Variants in HSPA4L observed in about 807,000 individuals in gnomAD.
The protein encoded by HSPA4L is heat shock 70 kDa protein 4L.
In HSPA4L, 48 loss-of-function variants were observed where a neutral mutation model predicts 100.3. The ratio of observed to expected loss-of-function variants is 0.48; its 90% CI spans 0.38 to 0.61. The LOEUF is 0.61. Among genes scored for constraint, HSPA4L ranks in the 20% least tolerant of loss-of-function variants. The probability of loss-of-function intolerance (pLI) is 0.00; values close to 1 mark genes in which losing one functional copy is unlikely to be tolerated. For synonymous variants in HSPA4L, 319 were observed against 328.2 expected, an observed-to-expected ratio of 0.97 and a Z score of 0.30; for missense variants, 886 against 988.6, an observed-to-expected ratio of 0.90 and a Z score of 1.39.
rs1733416520 is a variant in HSPA4L at position 127,808,144 on chromosome 4, AG to A, written c.1378+16del. The A allele has an allele frequency of 6.3e-7, 1 of 1,579,602 alleles. No individual in the cohort carries two copies. Among genetic ancestry groups the A allele is most frequent in the East Asian group, 2.3e-5 (1 of 44,414 alleles). ...TGCAAGAATTGGTAAGATAAAAAAA[AG>A]TTCTCCATAACATTTTGGCCTTTTA... On this transcript the variant is annotated intron_variant, in intron 11 of 18. Coordinates refer to ENST00000296464, the MANE Select transcript of HSPA4L (RefSeq NM_014278.4).
rs1243934611 is a variant in HSPA4L, at chr4:127,823,588, T to TA, written c.2013dup (p.Gln672ThrfsTer6). The TA allele has an allele frequency of 5.6e-6, 9 of 1,613,390 alleles. No homozygotes were observed. The highest frequency in any genetic ancestry group is 7.6e-6 in the Non-Finnish European group (9 of 1,179,324). On this transcript the variant is annotated frameshift_variant, in exon 16 of 19. Coordinates refer to ENST00000296464, the MANE Select transcript of HSPA4L (RefSeq NM_014278.4). LOFTEE classifies it high-confidence loss of function. Reference sequence around the variant, plus strand: ...TTTATGAAGACGGAGAGGACCAACCTAAACAAGTTTATGTGGATAAGCTTC... The same window carrying TA: ...TTTATGAAGACGGAGAGGACCAACCTAAAACAAGTTTATGTGGATAAGCTTC...
At chr4:127,802,910 C>G (rs1733232979) in intron 6 of HSPA4L, among the ~76,000 whole-genome samples, 1 of 152,106 alleles carries the variant, frequency 6.6e-6, no homozygotes, top group Admixed American at 6.6e-5. Context: ...AATGAAAGAG[C>G]TGCAAAACCA....
chr4:127,801,987 G>T (rs1359141839), intron 6 of HSPA4L, 69 bp downstream of exon 6: 4 of 1,294,454 alleles, frequency 3.1e-6, no homozygotes, highest in South Asian at 1.7e-5. Context: ...GTAATAGCTG[G>T]GTTCGAATCC....
chr4:127,810,172 T>C (rs972190719), intron 11 of HSPA4L, among the ~76,000 whole-genome samples: 4 of 152,206 alleles, frequency 2.6e-5, no homozygotes, highest in Non-Finnish European at 5.9e-5. Flanking sequence ...TAGGAGATTG[T>C]AATATCCATT....
rs1172446934 is a variant in HSPA4L, at chr4:127,832,674, T to C, written c.2329-9T>C. 6.4e-7 allele frequency: 1 copy of C among 1,573,122 alleles called. No individual in the cohort carries two copies. The highest frequency in any genetic ancestry group is 8.6e-7 in the Non-Finnish European group (1 of 1,160,990). On this transcript the variant is annotated splice_polypyrimidine_tract_variant and intron_variant, in intron 18 of 18. Coordinates refer to ENST00000296464, the MANE Select transcript of HSPA4L (RefSeq NM_014278.4). ...CGTTTTAATATAATCAATTTCTTCA[T>C]GTCTTTAGGAACTGGATAATTTCTG...
In HSPA4L at chr4:127,827,352, A is replaced by G. The variant is rs1733973116; in HGVS notation, c.2094A>G (p.Arg698=). ...IQMKYMEHEE[R]PKALNDLGKK... is the part of the protein sequence containing the mutation. ...TGAAGTACATGGAGCATGAAGAGAG[A>G]CCAAAAGCCTTAAATGACTTGGGAA... Residue 698 remains arginine (R), a synonymous_variant, in exon 17 of 19, where the codon AGA becomes AGG. Coordinates refer to ENST00000296464, the MANE Select transcript of HSPA4L (RefSeq NM_014278.4). The G allele has an allele frequency of 6.2e-7, 1 of 1,613,694 alleles. No individual in the cohort carries two copies. The highest frequency in any genetic ancestry group is 2.2e-5 in the East Asian group (1 of 44,832).
chr4:127,832,888 C>T lies in HSPA4L; in HGVS notation c.*14C>T, dbSNP rs759490435. ...GAAGTGGACTAAGTCTTAATTTTAC[C>T]TTCACATTAATTCAAACCGTGCAAG... On this transcript the variant is annotated 3_prime_UTR_variant, in exon 19 of 19. Coordinates refer to ENST00000296464, the MANE Select transcript of HSPA4L (RefSeq NM_014278.4). The T allele has an allele frequency of 1.9e-6, 3 of 1,581,070 alleles. No homozygotes were observed. Among genetic ancestry groups the T allele is most frequent in the South Asian group, 1.2e-5 (1 of 85,256 alleles).
At chr4:127,818,840 T>G (rs1733740256) in intron 13 of HSPA4L, among the ~76,000 whole-genome samples, 2 of 151,372 alleles carry the variant, frequency 1.3e-5, no homozygotes, top group African/African-American at 4.9e-5. Context: ...GTGACATGAG[T>G]GTACCTATAT....
At position 127,801,849 on chromosome 4, in the gene HSPA4L, A is replaced by G. The variant is rs1434921821; in HGVS notation, c.594A>G (p.Val198=). The G allele has an allele frequency of 1.2e-6, 2 of 1,609,432 alleles. No individual in the cohort carries two copies. Among genetic ancestry groups the G allele is most frequent in the Admixed American group, 3.3e-5 (2 of 59,738 alleles). Residue 198 remains valine, a synonymous_variant, in exon 6 of 19, where the codon GTA becomes GTG. Coordinates refer to ENST00000296464, the MANE Select transcript of HSPA4L (RefSeq NM_014278.4). ...CATTAGATGAGAAACCAAGAAATGT[A>G]GTATTTATTGATATGGGACATTCTG... The part of the protein sequence containing the change: ...LPPLDEKPRN[V]VFIDMGHSAY...
chr4:127,819,303 A>G (rs1441490202), intron 13 of HSPA4L, among the ~76,000 whole-genome samples: 1 of 152,202 alleles, frequency 6.6e-6, no homozygotes, highest in African/African-American at 2.4e-5. Flanking sequence ...GAATGTGGTT[A>G]TAACTCTTAA....
intron 1 of HSPA4L, among the ~76,000 whole-genome samples, chr4:127,786,355 C>T (rs1732717422): frequency 6.6e-6 from 1 of 152,156 alleles, no homozygotes; most frequent in Admixed American, 6.5e-5. Context: ...AACAAATTAC[C>T]TGGTTGAGCA....
chr4:127,814,570 T>G (rs776792293), intron 12 of HSPA4L, among the ~76,000 whole-genome samples: 1 of 152,092 alleles, frequency 6.6e-6, no homozygotes, highest in African/African-American at 2.4e-5. Context: ...TCTGTGCACT[T>G]TTTACTTTTT....
intron 16 of HSPA4L, among the ~76,000 whole-genome samples, chr4:127,826,673 CTG>C (rs1176180683): frequency 2.0e-5 from 3 of 152,092 alleles, no homozygotes; most frequent in Non-Finnish European, 4.4e-5. Flanking sequence ...AAATCTAAAA[CTG>C]TTCTAAAATA....
At chr4:127,800,225 A>G (rs1733136876) in intron 4 of HSPA4L, among the ~76,000 whole-genome samples, 1 of 152,138 alleles carries the variant, frequency 6.6e-6, no homozygotes, top group Non-Finnish European at 1.5e-5. Flanking sequence ...TGGGAGACCA[A>G]AGCAGGAGGA....
In HSPA4L at chr4:127,784,543, C is replaced by T. The variant is rs73847063; in HGVS notation, c.107+1886C>T. Among the ~76,000 whole-genome samples, 1,518 of 152,336 alleles carry T rather than the reference C, an allele frequency of 1.0e-2. 26 individuals carry two copies. The highest frequency in any genetic ancestry group is 0.033 in the African/African-American group (1,386 of 41,582). On this transcript the variant is annotated intron_variant, in intron 1 of 18. Coordinates refer to ENST00000296464, the MANE Select transcript of HSPA4L (RefSeq NM_014278.4). Reference sequence around the variant, plus strand: ...AATATCTAGATTTAATGAGCCTAATCTAAACTAGAAAGTTCTTAAAAAGTG... The same window carrying T: ...AATATCTAGATTTAATGAGCCTAATTTAAACTAGAAAGTTCTTAAAAAGTG...
At chr4:127,830,614 G>C (rs1034769444) in intron 17 of HSPA4L, 24 bp from the exon 18 acceptor site, 1 of 1,545,148 alleles carries the variant, frequency 6.5e-7, no homozygotes, top group Non-Finnish European at 8.7e-7. Context: ...TTAACATGCA[G>C]TCAAGCTTTT....
chr4:127,821,778 A>G (rs984791210), intron 14 of HSPA4L, among the ~76,000 whole-genome samples: 1 of 152,136 alleles, frequency 6.6e-6, no homozygotes, highest in Non-Finnish European at 1.5e-5. Flanking sequence ...TACATGAATT[A>G]TCTCAACCTT....
chr4:127,804,959 CTTTTA>C (rs1733309506), intron 8 of HSPA4L, 109 bp from the exon 9 acceptor site: 1 of 606,590 alleles, frequency 1.6e-6, no homozygotes, highest in African/African-American at 1.9e-5. Flanking sequence ...TTTTTCTTCC[CTTTTA>C]TTTTCTGACA....
chr4:127,804,987 A>G (rs1014486526), intron 8 of HSPA4L, 86 bp from the exon 9 acceptor site: 1 of 767,168 alleles, frequency 1.3e-6, no homozygotes, highest in Non-Finnish European at 2.0e-6. Flanking sequence ...TAAAAAGTCA[A>G]TCCACTTTTT....
Sources: allele counts gnomAD v4.1 joint callset (sites outside exome capture counted in the v4.1 genomes callset), GRCh38; gene constraint gnomAD v4.1.1; transcripts MANE v1.5; gene names NCBI Gene and HGNC (gene_info 2026-07-23, HGNC 2026-07-21).